The following SGSM2 variants were observed in gnomAD, a reference collection of about 807,000 sequenced individuals.
SGSM2 encodes the protein RUN and TBC1 domain containing 1.
In SGSM2, 89 loss-of-function variants were observed where a neutral mutation model predicts 126.6. The ratio of observed to expected loss-of-function variants is 0.70; its 90% CI spans 0.59 to 0.84. The LOEUF is 0.84. Ranked by LOEUF, SGSM2 falls within the 40% of genes least tolerant of loss-of-function variation. The pLI, the probability that SGSM2 is intolerant of heterozygous loss-of-function variation, is 0.00. For synonymous variants in SGSM2, 614 were observed against 574.3 expected, an observed-to-expected ratio of 1.07 and a Z score of -0.99; for missense variants, 1,404 against 1,416.6, an observed-to-expected ratio of 0.99 and a Z score of 0.14.
At chr17:2,375,955 G>C (rs2066124288) in intron 18 of SGSM2, 80 bp downstream of exon 18, 12 of 1,512,266 alleles carry the variant, frequency 7.9e-6, no homozygotes, top group Non-Finnish European at 1.1e-5. Flanking sequence ...GCGCTGGTGG[G>C]GTGGAAGGCG....
At chr17:2,348,939 A>C (rs902138000) in intron 2 of SGSM2, among the ~76,000 whole-genome samples, 1 of 151,592 alleles carries the variant, frequency 6.6e-6, no homozygotes, top group Admixed American at 6.6e-5. Flanking sequence ...ACTTTTTTGT[A>C]TTTTTGTAGA....
chr17:2,360,358 T>G (rs1395370962), intron 2 of SGSM2, among the ~76,000 whole-genome samples: 5 of 151,876 alleles, frequency 3.3e-5, no homozygotes, highest in Non-Finnish European at 7.4e-5. Context: ...AAAATAAAAA[T>G]AAAAAAACCT....
chr17:2,343,764 C>A, intron 2 of SGSM2, 144 bp downstream of exon 2: 1 of 680,854 alleles, frequency 1.5e-6, no homozygotes, highest in Non-Finnish European at 2.6e-6. Context: ...TTGAAATCCT[C>A]TTTGGCCCCA....
chr17:2,352,327 A>AGAATGGACTACCT (rs938738630), intron 2 of SGSM2, among the ~76,000 whole-genome samples: 2 of 152,232 alleles, frequency 1.3e-5, no homozygotes, highest in African/African-American at 4.8e-5. Context: ...CCCCAGGTCC[A>AGAATGGACTACCT]GAATGGACTA....
rs1334608681 is a variant in SGSM2 at position 2,361,660 on chromosome 17, C to T, written c.157C>T (p.His53Tyr). ...LCGAVEACLL[H>Y]QLRRRAAGFL... ...AGGTGCAGTGGAGGCTTGCCTCTTGCATCAGCTGAGACGCCGTGCCGCTGG... is the reference window on the plus strand; with the variant it reads ...AGGTGCAGTGGAGGCTTGCCTCTTGTATCAGCTGAGACGCCGTGCCGCTGG... Residue 53 changes from histidine to tyrosine, a missense_variant, in exon 3 of 24, where the codon CAT becomes TAT. His to Tyr is a moderately conservative substitution (Grantham distance 83). Transcript: ENST00000268989. The T allele has an allele frequency of 3.1e-6, 5 of 1,613,958 alleles. No homozygotes were observed. In the South Asian group the frequency reaches 4.4e-5, roughly 14 times the overall value.
chr17:2,369,977 G>A (rs757413528), intron 12 of SGSM2, among the ~76,000 whole-genome samples: 1 of 152,144 alleles, frequency 6.6e-6, no homozygotes, highest in Non-Finnish European at 1.5e-5. Flanking sequence ...ACTCCCGGCC[G>A]TGGGTCTGGG....
In SGSM2 at chr17:2,337,551, G is replaced by T. The variant is rs577044048; in HGVS notation, c.-138G>T. On this transcript the variant is annotated 5_prime_UTR_variant, in exon 1 of 24. Coordinates refer to ENST00000268989, the MANE Select transcript of SGSM2 (RefSeq NM_014853.3). The surrounding 1 kb of genome is among the most constrained non-coding windows in gnomAD (Gnocchi z 5.1). Reference sequence around the variant, plus strand: ...GAGCCGAGCACCGGGCAGTGGCTGCGGCGGCGGCGGCGGCGGCGGGCCGGG... The same window carrying T: ...GAGCCGAGCACCGGGCAGTGGCTGCTGCGGCGGCGGCGGCGGCGGGCCGGG... 10 of 233,386 alleles carry T rather than the reference G, an allele frequency of 4.3e-5. No individual in the cohort carries two copies. The highest frequency in any genetic ancestry group is 5.6e-5 in the Non-Finnish European group (8 of 143,202). 14.5% of individuals were successfully genotyped at this position (233,386 alleles called of 1,614,324 possible).
intron 19 of SGSM2, 103 bp downstream of exon 19, chr17:2,376,364 GA>G: frequency 6.7e-7 from 1 of 1,486,148 alleles, no homozygotes; most frequent in Non-Finnish European, 9.1e-7. Flanking sequence ...TCCTGCTCCT[GA>G]ATCACACTTG....
intron 17 of SGSM2, chr17:2,374,689 G>A (rs2066043762): frequency 6.6e-6 from 1 of 152,230 alleles, no homozygotes; most frequent in African/African-American, 2.4e-5. Context: ...CTCTGGCTTT[G>A]GGTTTTGTAA....
chr17:2,353,606 T>C (rs942080255), intron 2 of SGSM2, among the ~76,000 whole-genome samples: 1 of 151,982 alleles, frequency 6.6e-6, no homozygotes, highest in Non-Finnish European at 1.5e-5. Context: ...CTACTAAAAA[T>C]TTTTAAAAAT....
intron 21 of SGSM2, 32 bp downstream of exon 21, chr17:2,377,100 G>A: frequency 7.1e-7 from 1 of 1,418,244 alleles, no homozygotes; most frequent in Non-Finnish European, 9.9e-7. Flanking sequence ...GGGCATGGGA[G>A]CAGGCAGTGC....
chr17:2,339,073 T>A (rs2064226495), intron 1 of SGSM2, among the ~76,000 whole-genome samples: 1 of 149,280 alleles, frequency 6.7e-6, no homozygotes, highest in African/African-American at 2.5e-5. Context: ...AAAAAAAAGT[T>A]TACCTTAGCT....
At chr17:2,356,922 G>A (rs1207319623) in intron 2 of SGSM2, among the ~76,000 whole-genome samples, 2 of 117,588 alleles carry the variant, frequency 1.7e-5, no homozygotes, top group African/African-American at 5.8e-5. Flanking sequence ...GGGGTGTAAG[G>A]GTTGGGGGAA....
At chr17:2,347,845 G>A (rs2064670993) in intron 2 of SGSM2, among the ~76,000 whole-genome samples, 1 of 152,116 alleles carries the variant, frequency 6.6e-6, no homozygotes, top group African/African-American at 2.4e-5. Context: ...GGTAGAGCAG[G>A]TTTCAGAGGC....
At position 2,379,468 on chromosome 17, in the gene SGSM2, G is replaced by A. The variant is rs373345397; in HGVS notation, c.3104G>A (p.Arg1035Gln). ...CATCACGATGCCCAGGAGATCCTGC[G>A]GATTGCCCGGGACCTCGTCCACAAG... ...AEHHDAQEIL[R>Q]IARDLVHKVQ... Residue 1035 changes from arginine to glutamine, a missense_variant, in exon 24 of 24, where the codon CGG (arginine) becomes CAG (glutamine). Physicochemically the swap from Arg to Gln is conservative, Grantham distance 43 (BLOSUM62 1). Transcript: ENST00000268989. 35 of 1,613,624 alleles carry A rather than the reference G, an allele frequency of 2.2e-5. No homozygotes were observed. The highest frequency in any genetic ancestry group is 1.6e-4 in the East Asian group (7 of 44,868).
At chr17:2,352,932 C>T (rs371305772) in intron 2 of SGSM2, among the ~76,000 whole-genome samples, 58,400 of 116,866 alleles carry the variant, frequency 0.5, 16,588 homozygotes, top group East Asian at 0.73. Context: ...CGTCCGCCAC[C>T]ACGCCCGGCT....
At chr17:2,358,012 A>C (rs1179424074) in intron 2 of SGSM2, among the ~76,000 whole-genome samples, 1 of 151,652 alleles carries the variant, frequency 6.6e-6, no homozygotes, top group Non-Finnish European at 1.5e-5. Flanking sequence ...CACAGGTGGG[A>C]GCCCAGGGCC....
At chr17:2,358,947 G>C (rs564431787) in intron 2 of SGSM2, among the ~76,000 whole-genome samples, 10 of 144,160 alleles carry the variant, frequency 6.9e-5, no homozygotes, top group African/African-American at 2.6e-4. Flanking sequence ...GCGCCATCTC[G>C]GCTCACTGCA....
rs1048608725 is a variant in SGSM2 at position 2,365,063 on chromosome 17, T to G, written c.1161+6T>G. ...TGTGGACCCAGCAAGGGAAGGTAAC[T>G]CGGGTGGGAGGCTTTAGGGGAAGGG... On this transcript the variant is annotated splice_donor_region_variant and intron_variant, in intron 10 of 23. Transcript: ENST00000268989. 5 of 1,611,306 alleles carry G rather than the reference T, an allele frequency of 3.1e-6. No homozygotes were observed. The highest frequency in any genetic ancestry group is 4.2e-6 in the Non-Finnish European group (5 of 1,178,828).
Sources: gnomAD v4.1 joint callset for allele counts (sites outside exome capture counted in the v4.1 genomes callset) on GRCh38, gnomAD v4.1.1 for gene constraint, Gnocchi (gnomAD v3.1) non-coding constraint, MANE v1.5 for transcripts, NCBI Gene and HGNC (gene_info 2026-07-23, HGNC 2026-07-21) for gene names.